Variants in CLCN4 observed in about 807,000 individuals in gnomAD.
The protein encoded by CLCN4 is Cl-/H+ antiporter 4, also known as H(+)/Cl(-) exchange transporter 4.
Under a neutral mutation model 41.7 loss-of-function variants are expected in CLCN4, and 1 was observed. That is an observed-to-expected ratio of 0.02 (90% CI 0.01 to 0.11). The LOEUF (loss-of-function observed/expected upper bound fraction) is 0.11, where lower values mean the gene tolerates loss of function less well. Ranked by LOEUF, CLCN4 falls within the 10% of genes least tolerant of loss-of-function variation. CLCN4 has a pLI of 1.00. For missense variants in CLCN4, 287 were observed against 661.0 expected, an observed-to-expected ratio of 0.43 and a Z score of 6.20; for synonymous variants, 277 against 285.8, an observed-to-expected ratio of 0.97 and a Z score of 0.31.
Position 10,234,527 on chromosome X carries a change from C to A in CLCN4, c.*943C>A, listed in dbSNP as rs1925203859. 8.8e-6 allele frequency: 1 copy of A among 113,051 alleles called. No homozygotes were observed. Among genetic ancestry groups the A allele is most frequent in the Non-Finnish European group, 1.9e-5 (1 of 53,384 alleles). 9.3% of individuals were successfully genotyped at this position (113,051 alleles called of 1,213,427 possible). A position where few individuals can be genotyped will look rare whatever the true frequency, so the allele number is the denominator to read the frequency against. ...TTTTCAAGTAGCATATGCAAGAGTC[C>A]AAACAGGCTACCCAATGTTACTACT... On this transcript the variant is annotated 3_prime_UTR_variant, in exon 13 of 13. Transcript: ENST00000380833.
chrX:10,216,769 A>C (rs1182356436), intron 11 of CLCN4, among the ~76,000 whole-genome samples: 1 of 104,277 alleles, frequency 9.6e-6, no homozygotes, highest in Admixed American at 1.0e-4. Flanking sequence ...CAAGAAGCTA[A>C]GTGTCAGGTC....
At chrX:10,175,964 CTCTCTCTGTGTG>C (rs1390292577) in intron 2 of CLCN4, among the ~76,000 whole-genome samples, 5 of 68,261 alleles carry the variant, frequency 7.3e-5, no homozygotes, top group East Asian at 3.0e-3. Context: ...CTCTCTCTCT[CTCTCTCTGTGTG>C]TGTGTGTATG....
rs1394604276 is a variant in CLCN4 at position 10,235,753 on chromosome X, T to C, written c.*2169T>C. On this transcript the variant is annotated 3_prime_UTR_variant, in exon 13 of 13. Transcript: ENST00000380833. ...ATGCTGACACAATAAGAAAATTTGT[T>C]TGTGTAATTCATTGACCTCTTCCTT... is the stretch of plus-strand genomic sequence containing the variant. 8.9e-6 allele frequency: 1 copy of C among 112,596 alleles called. No individual in the cohort carries two copies. Among genetic ancestry groups the C allele is most frequent in the African/African-American group, 3.2e-5 (1 of 30,950 alleles). The allele number at this position is 112,596 out of a possible 1,213,427, so 9.3% of individuals were successfully genotyped here. A position where few individuals can be genotyped will look rare whatever the true frequency, so the allele number is the denominator to read the frequency against.
At chrX:10,225,890 G>T (rs958766266) in intron 12 of CLCN4, among the ~76,000 whole-genome samples, 2 of 111,483 alleles carry the variant, frequency 1.8e-5, no homozygotes, top group African/African-American at 6.5e-5. Flanking sequence ...CAAAGATCAG[G>T]TGGTTGTAGA....
chrX:10,171,719 A>AG (rs1249575058), intron 2 of CLCN4, among the ~76,000 whole-genome samples: 1 of 112,094 alleles, frequency 8.9e-6, no homozygotes, highest in Non-Finnish European at 1.9e-5. Context: ...AAATCAACAA[A>AG]GGGAAAAGGC....
intron 3 of CLCN4, among the ~76,000 whole-genome samples, chrX:10,187,291 A>G (rs752616076): frequency 8.9e-6 from 1 of 112,182 alleles, no homozygotes; most frequent in African/African-American, 3.2e-5. Context: ...GTGTGCTCGA[A>G]TTCTTTGGAG....
intron 2 of CLCN4, among the ~76,000 whole-genome samples, chrX:10,171,179 C>T (rs764755059): frequency 3.6e-5 from 4 of 112,246 alleles, no homozygotes; most frequent in Non-Finnish European, 5.6e-5. Flanking sequence ...TGAGCCACCG[C>T]GTCCGGCTCT....
intron 2 of CLCN4, among the ~76,000 whole-genome samples, chrX:10,174,825 C>T (rs1923476598): frequency 8.9e-6 from 1 of 112,221 alleles, no homozygotes; most frequent in African/African-American, 3.2e-5. Context: ...CTTTTGTCCC[C>T]TCCCCAGTCC....
At chrX:10,169,791 C>CTTTTTT (rs768158943) in intron 2 of CLCN4, among the ~76,000 whole-genome samples, 1 of 58,536 alleles carries the variant, frequency 1.7e-5, no homozygotes, top group Non-Finnish European at 3.1e-5. Context: ...CTTTTCTTTT[C>CTTTTTT]TTTTTTTTTT....
chrX:10,191,906 G>C (rs1923977448), intron 4 of CLCN4, among the ~76,000 whole-genome samples: 1 of 109,687 alleles, frequency 9.1e-6, no homozygotes, highest in South Asian at 4.0e-4. Context: ...TTACACAAAG[G>C]CAGGGGCCTG....
intron 4 of CLCN4, among the ~76,000 whole-genome samples, chrX:10,194,477 C>T (rs771193372): frequency 3.0e-4 from 34 of 111,581 alleles, no homozygotes; most frequent in Non-Finnish European, 5.8e-4. Context: ...GATGTGAGGC[C>T]GTCGTAGTTG....
intron 2 of CLCN4, among the ~76,000 whole-genome samples, chrX:10,173,701 C>T (rs1254489538): frequency 3.2e-4 from 36 of 112,127 alleles, no homozygotes; most frequent in Non-Finnish European, 5.6e-5. Flanking sequence ...ATTCGAGCCT[C>T]AGCCATGCCC....
chrX:10,226,097 G>C (rs1924983105), intron 12 of CLCN4, among the ~76,000 whole-genome samples: 1 of 111,105 alleles, frequency 9.0e-6, no homozygotes, highest in Non-Finnish European at 1.9e-5. Flanking sequence ...CATTCTTCTT[G>C]GCGCCACATG....
chrX:10,189,280 TTGAC>T (rs1923894236), intron 4 of CLCN4, among the ~76,000 whole-genome samples: 1 of 112,489 alleles, frequency 8.9e-6, no homozygotes, highest in Non-Finnish European at 1.9e-5. Flanking sequence ...CTTAGATTCA[TTGAC>T]TGACCTAGGA....
chrX:10,222,916 G>C (rs1044888624), intron 12 of CLCN4, among the ~76,000 whole-genome samples: 1 of 111,737 alleles, frequency 8.9e-6, no homozygotes. Context: ...AAATAAATGA[G>C]TCCTTGTGTT....
chrX:10,166,326 C>T (rs1382792665), intron 2 of CLCN4, among the ~76,000 whole-genome samples: 1 of 112,545 alleles, frequency 8.9e-6, no homozygotes, highest in South Asian at 3.7e-4. Context: ...GGGAGAAAAC[C>T]CTTTTCTGTT....
In CLCN4 at chrX:10,191,692, A is replaced by ATTTTTT. The variant is rs760315418; in HGVS notation, c.245-3196_245-3191dup. ...AGGCGCGTGCCACCATATCTGGTTA[A>ATTTTTT]TTTTTTTTTTTTTTTTTTTTTTTTT... On this transcript the variant is annotated intron_variant, in intron 4 of 12. Coordinates refer to ENST00000380833, the MANE Select transcript of CLCN4 (RefSeq NM_001830.4). Among the ~76,000 whole-genome samples, 294 of 49,767 alleles carry ATTTTTT rather than the reference A, an allele frequency of 5.9e-3. 19 individuals carry two copies. Among genetic ancestry groups the ATTTTTT allele is most frequent in the African/African-American group, 0.017 (179 of 10,847 alleles). The allele number at this position is 49,767 out of a possible 115,157, so 43.2% of individuals were successfully genotyped here. A position where few individuals can be genotyped will look rare whatever the true frequency, so the allele number is the denominator to read the frequency against.
chrX:10,164,553 G>C (rs1030458753), intron 2 of CLCN4, among the ~76,000 whole-genome samples: 2 of 112,163 alleles, frequency 1.8e-5, no homozygotes, highest in South Asian at 7.3e-4. Context: ...AGCCAGCAAG[G>C]AGGCTAGGAG....
chrX:10,217,989 C>T lies in CLCN4; in HGVS notation c.1976-2672C>T, dbSNP rs185866530. ...AACTCCTGATCTTAAGTGATCCGCC[C>T]ACCTCAGCCTCCCAAAGTGCTGGGA... On this transcript the variant is annotated intron_variant, in intron 11 of 12. Coordinates refer to ENST00000380833, the MANE Select transcript of CLCN4 (RefSeq NM_001830.4). Among the ~76,000 whole-genome samples, 860 of 111,126 alleles carry T rather than the reference C, an allele frequency of 7.7e-3. 8 individuals carry two copies. Among genetic ancestry groups the T allele is most frequent in the African/African-American group, 0.027 (823 of 30,572 alleles).
Sources: gnomAD v4.1 joint callset for allele counts (sites outside exome capture counted in the v4.1 genomes callset) on GRCh38, gnomAD v4.1.1 for gene constraint, MANE v1.5 for transcripts, NCBI Gene and HGNC (gene_info 2026-07-23, HGNC 2026-07-21) for gene names.